KCNIP4: variants seen among roughly 807,000 people sequenced by gnomAD.
KCNIP4 encodes the protein potassium voltage-gated channel interacting protein 4.
A neutral mutation model predicts 34.0 loss-of-function variants in KCNIP4; 12 were observed. The observed-to-expected ratio is 0.35, with a 90% CI of 0.23 to 0.57. The LOEUF (loss-of-function observed/expected upper bound fraction) is 0.57. KCNIP4 is among the 20% of genes least tolerant of loss of function. The probability of loss-of-function intolerance (pLI) is 0.83; values close to 1 mark genes in which losing one functional copy is unlikely to be tolerated. For missense variants in KCNIP4, 238 were observed against 311.7 expected (o/e 0.76, Z 1.78); for synonymous variants, 124 against 102.2 (o/e 1.21, Z -1.29).
At chr4:21,175,447 A>T (rs970802345) in intron 1 of KCNIP4, among the ~76,000 whole-genome samples, 23 of 152,064 alleles carry the variant, frequency 1.5e-4, no homozygotes, top group Admixed American at 1.4e-3. Context: ...TTTCCTTCAC[A>T]ATTTCGTGGA....
intron 1 of KCNIP4, among the ~76,000 whole-genome samples, chr4:21,720,511 C>T (rs761749348): frequency 8.5e-4 from 120 of 140,432 alleles, no homozygotes; most frequent in East Asian, 3.2e-3. Context: ...TGTTTTTTTT[C>T]CCCCATTCTG....
At chr4:20,882,047 GTA>G (rs1036470128) in intron 2 of KCNIP4, among the ~76,000 whole-genome samples, 1 of 152,182 alleles carries the variant, frequency 6.6e-6, no homozygotes, top group Non-Finnish European at 1.5e-5. Flanking sequence ...GTGTATGTAT[GTA>G]TATGATATGT....
intron 1 of KCNIP4, among the ~76,000 whole-genome samples, chr4:21,250,345 T>C (rs1047170805): frequency 1.3e-5 from 2 of 152,174 alleles, no homozygotes; most frequent in African/African-American, 4.8e-5. Flanking sequence ...TACAGTTACA[T>C]AGCACAATTA....
chr4:20,750,942 G>A (rs1301057373), intron 4 of KCNIP4, among the ~76,000 whole-genome samples: 1 of 151,914 alleles, frequency 6.6e-6, no homozygotes, highest in Non-Finnish European at 1.5e-5. Context: ...CTTTTTATAG[G>A]CTGTCAAGAA....
chr4:21,862,054 T>C (rs1279319546), intron 1 of KCNIP4, among the ~76,000 whole-genome samples: 1 of 152,204 alleles, frequency 6.6e-6, no homozygotes, highest in Non-Finnish European at 1.5e-5. Flanking sequence ...TTCTTCCCTT[T>C]GCTCTGAAGT....
intron 1 of KCNIP4, among the ~76,000 whole-genome samples, chr4:21,356,150 A>G (rs938934970): frequency 1.3e-5 from 2 of 152,182 alleles, no homozygotes; most frequent in African/African-American, 4.8e-5. Context: ...TCAAAAAAGT[A>G]AATACTGATG....
At chr4:21,075,735 C>T (rs959224924) in intron 1 of KCNIP4, among the ~76,000 whole-genome samples, 5 of 152,114 alleles carry the variant, frequency 3.3e-5, no homozygotes, top group East Asian at 1.9e-4. Flanking sequence ...TTCCTAGCAT[C>T]GATGGTCTTT....
At chr4:21,135,037 C>T (rs1025876587) in intron 1 of KCNIP4, among the ~76,000 whole-genome samples, 4 of 152,216 alleles carry the variant, frequency 2.6e-5, no homozygotes, top group Non-Finnish European at 5.9e-5. Context: ...AAAATTCTCA[C>T]ATACGGATTC....
chr4:20,930,330 C>A (rs896726568), intron 1 of KCNIP4, among the ~76,000 whole-genome samples: 8 of 151,950 alleles, frequency 5.3e-5, no homozygotes, highest in African/African-American at 1.9e-4. Flanking sequence ...AAATTGGACC[C>A]TAATCTTGCA....
At chr4:21,418,147 A>G (rs73249575) in intron 1 of KCNIP4, among the ~76,000 whole-genome samples, 11,771 of 128,306 alleles carry the variant, frequency 0.092, 555 homozygotes, top group East Asian at 0.2. Flanking sequence ...CTATTTGTCT[A>G]TCGATCTACA....
At chr4:21,584,531 G>C (rs7677329) in intron 1 of KCNIP4, among the ~76,000 whole-genome samples, 9,915 of 152,056 alleles carry the variant, frequency 0.065, 477 homozygotes, top group African/African-American at 0.13. Flanking sequence ...AGAGTATAGA[G>C]AGCAAATTGG....
chr4:21,378,171 G>A (rs1028711371), intron 1 of KCNIP4, among the ~76,000 whole-genome samples: 4 of 152,076 alleles, frequency 2.6e-5, no homozygotes, highest in Non-Finnish European at 4.4e-5. Context: ...CAGGCAATTC[G>A]TTTAGATTAA....
chr4:20,890,872 T>C (rs1387198652), intron 1 of KCNIP4, among the ~76,000 whole-genome samples: 1 of 152,174 alleles, frequency 6.6e-6, no homozygotes, highest in Non-Finnish European at 1.5e-5. Context: ...ATCATCTTGA[T>C]TGCTCCATTT....
chr4:21,775,243 C>T (rs28762443), intron 1 of KCNIP4, among the ~76,000 whole-genome samples: 29 of 151,962 alleles, frequency 1.9e-4, no homozygotes, highest in African/African-American at 6.8e-4. Context: ...GCAGTTTGCT[C>T]GGGGCTCACT....
chr4:21,129,734 T>C (rs762105666), intron 1 of KCNIP4, among the ~76,000 whole-genome samples: 3 of 152,134 alleles, frequency 2.0e-5, no homozygotes, highest in Non-Finnish European at 2.9e-5. Context: ...CTTTATAATA[T>C]AGATAGACAG....
At chr4:21,319,210 G>A (rs948264746) in intron 1 of KCNIP4, among the ~76,000 whole-genome samples, 1 of 152,164 alleles carries the variant, frequency 6.6e-6, no homozygotes, top group African/African-American at 2.4e-5. Flanking sequence ...GGTCTACCAG[G>A]CATGGCTTGA....
chr4:20,750,395 G>T (rs1385868014), intron 4 of KCNIP4, among the ~76,000 whole-genome samples: 1 of 152,050 alleles, frequency 6.6e-6, no homozygotes, highest in East Asian at 1.9e-4. Context: ...GTTGGAAGGG[G>T]ACTGGGTGGT....
rs374743245 is a variant in KCNIP4, at chr4:21,697,407, C to T, written c.61+251164G>A. On this transcript the variant is annotated intron_variant, in intron 1 of 8. Transcript: ENST00000382152. ...AGGTACTGGGCAAATTTCAGTATTT[C>T]ACGTTTACACCGCTTTCTACAGCCA... 7.7e-6 allele frequency: 12 copies of T among 1,548,682 alleles called. No individual in the cohort carries two copies. The African/African-American group carries it at 1.6e-4, about 21-fold the overall frequency.
intron 1 of KCNIP4, among the ~76,000 whole-genome samples, chr4:21,588,268 T>A (rs1327683971): frequency 6.6e-6 from 1 of 152,040 alleles, no homozygotes; most frequent in Admixed American, 6.6e-5. Flanking sequence ...TTTTCATGTA[T>A]TTAACTTTGA....
Sources: gnomAD v4.1 joint callset for allele counts (sites outside exome capture counted in the v4.1 genomes callset) on GRCh38, gnomAD v4.1.1 for gene constraint, MANE v1.5 for transcripts, NCBI Gene and HGNC (gene_info 2026-07-23, HGNC 2026-07-21) for gene names.